Variants in INPP4B observed in about 807,000 individuals in gnomAD.
INPP4B encodes the protein inositol polyphosphate 4-phosphatase type II.
Under a neutral mutation model 122.5 loss-of-function variants are expected in INPP4B, and 55 were observed. The observed-to-expected ratio is 0.45, with a 90% CI of 0.36 to 0.56. The LOEUF (loss-of-function observed/expected upper bound fraction) is 0.56, where lower values mean the gene tolerates loss of function less well. Among genes scored for constraint, INPP4B ranks in the 20% least tolerant of loss-of-function variants. INPP4B has a pLI of 0.00. For synonymous variants in INPP4B, 403 were observed against 388.7 expected, an observed-to-expected ratio of 1.04 and a Z score of -0.43; for missense variants, 1,000 against 1,097.7, an observed-to-expected ratio of 0.91 and a Z score of 1.26.
intron 1 of INPP4B, among the ~76,000 whole-genome samples, chr4:142,805,819 ATTAG>A (rs1778606691): frequency 1.3e-5 from 2 of 152,276 alleles, no homozygotes; most frequent in South Asian, 2.1e-4. Flanking sequence ...ATAGTAGGCT[ATTAG>A]TTGTTGTTTT....
In INPP4B at chr4:142,329,639, C is replaced by A. The variant is rs184136665; in HGVS notation, c.373-14877G>T. 3.2e-3 allele frequency among the ~76,000 whole-genome samples: 491 copies of A among 152,228 alleles called. 6 individuals are homozygous for A. Among genetic ancestry groups the A allele is most frequent in the African/African-American group, 0.011 (453 of 41,530 alleles). On this transcript the variant is annotated intron_variant, in intron 7 of 25. Coordinates refer to ENST00000262992, the MANE Select transcript of INPP4B (RefSeq NM_001101669.3). ...CTCTACTTTTTCCTAGAGTCAGGGT[C>A]AAGCTAGATATGCAGGTTTTTAGAG...
chr4:142,561,008 T>C (rs1369513985), intron 2 of INPP4B, among the ~76,000 whole-genome samples: 5 of 152,236 alleles, frequency 3.3e-5, no homozygotes, highest in African/African-American at 1.2e-4. Flanking sequence ...TATTATCATT[T>C]GTTTTTTCCA....
intron 2 of INPP4B, among the ~76,000 whole-genome samples, chr4:142,523,401 C>T (rs1213661300): frequency 6.6e-6 from 1 of 152,074 alleles, no homozygotes; most frequent in East Asian, 1.9e-4. Flanking sequence ...AAGATGTACA[C>T]TTGTCATGCA....
chr4:142,028,906 C>T lies in INPP4B; in HGVS notation c.2651G>A (p.Cys884Tyr). The change falls in exon 26 of 26, where the codon TGC becomes TAC. Residue 884 changes from cysteine to tyrosine, a missense_variant. Physicochemically the swap from Cys to Tyr is radical, Grantham distance 194 (BLOSUM62 -2). Transcript: ENST00000262992. Reference protein sequence around the residue: ...RALDCMRREGCRIENVLKNIK... With the variant: ...RALDCMRREGYRIENVLKNIK... ...ATTCTTCAGTACATTCTCTATGCGG[C>T]ATCCTTCTCTGGTGAAAGGGGAAAA... The T allele has an allele frequency of 6.2e-7, 1 of 1,610,288 alleles. No homozygotes were observed. The highest frequency in any genetic ancestry group is 8.5e-7 in the Non-Finnish European group (1 of 1,178,668).
intron 2 of INPP4B, among the ~76,000 whole-genome samples, chr4:142,634,941 TAA>T (rs1302830894): frequency 9.9e-5 from 15 of 152,070 alleles, no homozygotes; most frequent in Non-Finnish European, 1.9e-4. Context: ...TGAAAATTAA[TAA>T]GTTAGTTATG....
intron 2 of INPP4B, among the ~76,000 whole-genome samples, chr4:142,477,223 G>A (rs1819903551): frequency 6.6e-6 from 1 of 152,122 alleles, no homozygotes; most frequent in Admixed American, 6.5e-5. Flanking sequence ...AATGAGCACA[G>A]AAATCAAGAA....
At chr4:142,259,019 C>T (rs1738098285) in intron 11 of INPP4B, among the ~76,000 whole-genome samples, 1 of 151,922 alleles carries the variant, frequency 6.6e-6, no homozygotes, top group Non-Finnish European at 1.5e-5. Context: ...GAATACTATG[C>T]AGCCATAAAA....
At chr4:142,695,372 T>G (rs1760884266) in intron 2 of INPP4B, among the ~76,000 whole-genome samples, 1 of 152,164 alleles carries the variant, frequency 6.6e-6, no homozygotes. Flanking sequence ...CCAAATTGAA[T>G]AGCAATTTTG....
intron 25 of INPP4B, among the ~76,000 whole-genome samples, chr4:142,040,915 T>TAA (rs1747053024): frequency 6.6e-6 from 1 of 152,188 alleles, no homozygotes; most frequent in Admixed American, 6.5e-5. Flanking sequence ...GTAAAATTAC[T>TAA]GTCTAAGCCT....
In INPP4B at chr4:142,707,052, A is replaced by G. The variant is rs923258196; in HGVS notation, c.-191+18787T>C. On this transcript the variant is annotated intron_variant, in intron 2 of 25. Transcript: ENST00000262992. Reference sequence around the variant, plus strand: ...AGACAGAATTGTAAGTTGTGAATAGATAAGTACTAAACTGTCAAGTCCACC... The same window carrying G: ...AGACAGAATTGTAAGTTGTGAATAGGTAAGTACTAAACTGTCAAGTCCACC... Among the ~76,000 whole-genome samples, 8 of 152,334 alleles carry G rather than the reference A, an allele frequency of 5.3e-5. No homozygotes were observed. The South Asian group carries it at 1.5e-3, about 28-fold the overall frequency.
At chr4:142,738,479 G>A (rs2150908255) in intron 1 of INPP4B, among the ~76,000 whole-genome samples, 1 of 152,184 alleles carries the variant, frequency 6.6e-6, no homozygotes, top group East Asian at 1.9e-4. Context: ...GAAGAGGGGA[G>A]GGATAGCATT....
In INPP4B at chr4:142,333,444, C is replaced by T. The variant is rs182836897; in HGVS notation, c.373-18682G>A. 4.6e-5 allele frequency among the ~76,000 whole-genome samples: 7 copies of T among 152,252 alleles called. No individual in the cohort carries two copies. In the East Asian group the frequency reaches 9.6e-4, roughly 21 times the overall value. ...CTAAAAGACCAAATCTTTCCTTTCT[C>T]GCTTTTATCTCTCATATTCTGTTTT... is the stretch of plus-strand genomic sequence containing the variant. On this transcript the variant is annotated intron_variant, in intron 7 of 25. Transcript: ENST00000262992.
At chr4:142,497,634 C>T (rs945754841) in intron 2 of INPP4B, among the ~76,000 whole-genome samples, 2 of 152,140 alleles carry the variant, frequency 1.3e-5, no homozygotes, top group African/African-American at 4.8e-5. Context: ...TACACTTAAA[C>T]ATAAGTAAAA....
intron 21 of INPP4B, among the ~76,000 whole-genome samples, chr4:142,119,765 T>G (rs961499386): frequency 5.9e-5 from 9 of 151,428 alleles, no homozygotes; most frequent in Admixed American, 2.0e-4. Context: ...CTGCACATTG[T>G]GCACATGTAG....
At chr4:142,483,301 T>C (rs1190186584) in intron 2 of INPP4B, among the ~76,000 whole-genome samples, 2 of 146,136 alleles carry the variant, frequency 1.4e-5, no homozygotes, top group Non-Finnish European at 3.0e-5. Flanking sequence ...AGCAGCAACC[T>C]CCATTTGTTG....
intron 15 of INPP4B, among the ~76,000 whole-genome samples, chr4:142,176,440 C>T (rs1425534582): frequency 6.6e-6 from 1 of 152,030 alleles, no homozygotes; most frequent in East Asian, 1.9e-4. Context: ...TTACTCCTAT[C>T]AATATTGCCT....
At chr4:142,542,842 T>C (rs1829098223) in intron 2 of INPP4B, among the ~76,000 whole-genome samples, 1 of 152,168 alleles carries the variant, frequency 6.6e-6, no homozygotes, top group African/African-American at 2.4e-5. Context: ...ATGCTACATA[T>C]ACCAATGACA....
intron 7 of INPP4B, among the ~76,000 whole-genome samples, chr4:142,340,733 G>A (rs1579789467): frequency 6.6e-6 from 1 of 152,244 alleles, no homozygotes; most frequent in Non-Finnish European, 1.5e-5. Flanking sequence ...TCGTTAGCCT[G>A]CCAGTGGGGA....
chr4:142,820,367 C>T (rs1223424422), intron 1 of INPP4B, among the ~76,000 whole-genome samples: 1 of 152,048 alleles, frequency 6.6e-6, no homozygotes, highest in South Asian at 2.1e-4. Context: ...CCTCCTTTCC[C>T]TTGCTTTCTC....
Sources: allele counts gnomAD v4.1 joint callset (sites outside exome capture counted in the v4.1 genomes callset), GRCh38; gene constraint gnomAD v4.1.1; transcripts MANE v1.5; gene names NCBI Gene and HGNC (gene_info 2026-07-23, HGNC 2026-07-21).